CBFA2T3: variants seen among roughly 807,000 people sequenced by gnomAD.
The protein encoded by CBFA2T3 is transcriptional corepressor CBFA2T3.
Under a neutral mutation model 58.6 loss-of-function variants are expected in CBFA2T3, and 31 were observed. The ratio of observed to expected loss-of-function variants is 0.53; its 90% CI spans 0.40 to 0.71. The LOEUF (loss-of-function observed/expected upper bound fraction) is 0.71. CBFA2T3 is among the 30% of genes least tolerant of loss of function. The pLI is 0.00. For synonymous variants in CBFA2T3, 531 were observed against 421.9 expected, an observed-to-expected ratio of 1.26 and a Z score of -3.17; for missense variants, 1,076 against 963.1, an observed-to-expected ratio of 1.12 and a Z score of -1.55.
rs761307496 is a variant in CBFA2T3 at position 88,901,575 on chromosome 16, G to T, written c.233C>A (p.Pro78His). ...EVKTQPRSTP[P>H]SMPPPPPAAS... is the part of the protein sequence containing the mutation. ...GGCAGGCGGTGGGGGCGGCATGCTG[G>T]GGGGTGTGGACCGGGGCTGCGTCTT... Residue 78 changes from proline to histidine, a missense_variant, in exon 2 of 12, where the codon CCC becomes CAC. Physicochemically the swap from Pro to His is moderately conservative, Grantham distance 77 (BLOSUM62 -2). Coordinates refer to ENST00000268679, the MANE Select transcript of CBFA2T3 (RefSeq NM_005187.6). The T allele has an allele frequency of 2.0e-6, 3 of 1,501,158 alleles. No individual in the cohort carries two copies. Among genetic ancestry groups the T allele is most frequent in the Admixed American group, 2.7e-5 (1 of 36,776 alleles). The allele number at this position is 1,501,158 out of a possible 1,614,324, so 93.0% of individuals were successfully genotyped here. A position where few individuals can be genotyped will look rare whatever the true frequency, so the allele number is the denominator to read the frequency against.
Position 88,885,988 on chromosome 16 carries a change from T to C in CBFA2T3, c.866A>G (p.Glu289Gly). The C allele has an allele frequency of 6.4e-7, 1 of 1,553,078 alleles. No homozygotes were observed. The highest frequency in any genetic ancestry group is 2.4e-5 in the East Asian group (1 of 41,732). Residue 289 changes from glutamate (E) to glycine (G), a missense_variant, in exon 6 of 12, where the codon GAG becomes GGG. By Grantham distance (98) the Glu-to-Gly change is moderately conservative (BLOSUM62 -2). Coordinates refer to ENST00000268679, the MANE Select transcript of CBFA2T3 (RefSeq NM_005187.6). The surrounding 1 kb of genome is among the most constrained non-coding windows in gnomAD (Gnocchi z 5.3). The part of the protein sequence containing the change: ...DSSELLLEVN[E>G]NGKRRTPDRT... ...GTCGGGCGTCCTCCTCTTGCCGTTC[T>C]CGTTGACTTCCAGTAGCAGCTCTGA...
At chr16:88,931,354 C>T (rs988210944) in intron 1 of CBFA2T3, among the ~76,000 whole-genome samples, 5 of 152,112 alleles carry the variant, frequency 3.3e-5, no homozygotes, top group South Asian at 2.1e-4. Context: ...GGGAGCTGAG[C>T]GACCTTCTTG....
intron 1 of CBFA2T3, among the ~76,000 whole-genome samples, chr16:88,960,182 C>T (rs577407388): frequency 1.3e-5 from 2 of 152,246 alleles, no homozygotes; most frequent in South Asian, 2.1e-4. Flanking sequence ...GGACAGCCCA[C>T]GAGATGTGAG....
chr16:88,972,228 G>T (rs1027504120), intron 1 of CBFA2T3, among the ~76,000 whole-genome samples: 1 of 148,374 alleles, frequency 6.7e-6, no homozygotes, highest in Non-Finnish European at 1.5e-5. Context: ...GGGAGGGAGG[G>T]AGGTGCACTT....
At chr16:88,898,943 C>T (rs975094361) in intron 2 of CBFA2T3, among the ~76,000 whole-genome samples, 7 of 152,180 alleles carry the variant, frequency 4.6e-5, no homozygotes, top group African/African-American at 1.4e-4. Context: ...CTAGTAAAGA[C>T]GGGTAGTGAG....
intron 1 of CBFA2T3, among the ~76,000 whole-genome samples, chr16:88,923,764 C>A (rs1250984790): frequency 6.6e-6 from 1 of 152,196 alleles, no homozygotes; most frequent in Non-Finnish European, 1.5e-5. Flanking sequence ...GGGCTCTGGG[C>A]TCCTGGGCTG....
chr16:88,965,709 C>G (rs1417705855), intron 1 of CBFA2T3, among the ~76,000 whole-genome samples: 2 of 152,212 alleles, frequency 1.3e-5, no homozygotes, highest in Non-Finnish European at 2.9e-5. Flanking sequence ...GTTTGAAAAC[C>G]TCTCTAGTGG....
Position 88,956,068 on chromosome 16 carries a change from C to G in CBFA2T3, c.151+20589G>C, listed in dbSNP as rs550280753. Among the ~76,000 whole-genome samples, 156 of 152,394 alleles carry G rather than the reference C, an allele frequency of 1.0e-3. 1 individual carries two copies. Among genetic ancestry groups the G allele is most frequent in the African/African-American group, 3.4e-3 (142 of 41,590 alleles). On this transcript the variant is annotated intron_variant, in intron 1 of 11. Transcript: ENST00000268679. ...CCCGACCCTGCCCAGGGCTGCCAAC[C>G]CCCAGGCCTGCCGAGTTCCTGCTCC...
At chr16:88,877,840 A>C (rs1351519554) in intron 11 of CBFA2T3, among the ~76,000 whole-genome samples, 7 of 152,218 alleles carry the variant, frequency 4.6e-5, no homozygotes, top group Non-Finnish European at 1.0e-4. Flanking sequence ...AGGAGATGCC[A>C]CACAAAGCCT....
intron 1 of CBFA2T3, among the ~76,000 whole-genome samples, chr16:88,922,081 TGTC>T (rs1970940344): frequency 1.3e-5 from 2 of 152,196 alleles, no homozygotes; most frequent in Non-Finnish European, 1.5e-5. Context: ...CCACCAAACG[TGTC>T]GTGGCCAGGA....
At chr16:88,929,061 A>T (rs1419551450) in intron 1 of CBFA2T3, among the ~76,000 whole-genome samples, 2 of 151,850 alleles carry the variant, frequency 1.3e-5, no homozygotes, top group Non-Finnish European at 2.9e-5. Context: ...AATGGGTTCC[A>T]TCTGGCTGCC....
chr16:88,892,587 A>G (rs1969687630), intron 3 of CBFA2T3, 102 bp from the exon 4 acceptor site: 1 of 1,316,730 alleles, frequency 7.6e-7, no homozygotes, highest in Non-Finnish European at 1.1e-6. Context: ...GACAATGTCA[A>G]AAGTGACGGC....
intron 3 of CBFA2T3, among the ~76,000 whole-genome samples, chr16:88,895,168 C>A (rs1459578016): frequency 6.6e-6 from 1 of 152,210 alleles, no homozygotes; most frequent in African/African-American, 2.4e-5. Context: ...CTCCTGCAGG[C>A]CTGGACTGGA....
At chr16:88,902,667 G>A (rs987358635) in intron 1 of CBFA2T3, among the ~76,000 whole-genome samples, 1 of 152,194 alleles carries the variant, frequency 6.6e-6, no homozygotes, top group Non-Finnish European at 1.5e-5. Context: ...CAGGGGGTGC[G>A]GGTGTAAGCC....
chr16:88,885,861 C>A lies in CBFA2T3; in HGVS notation c.893+100G>T. ...AGCCCGAGAGAGCCGGCCGGGCTGG[C>A]TGCAGCCCCAGAGGAGGTTCCCTCT... On this transcript the variant is annotated intron_variant, in intron 6 of 11. Coordinates refer to ENST00000268679, the MANE Select transcript of CBFA2T3 (RefSeq NM_005187.6). The surrounding 1 kb of genome is among the most constrained non-coding windows in gnomAD (Gnocchi z 5.3). 9.2e-7 allele frequency: 1 copy of A among 1,085,704 alleles called. No homozygotes were observed. Among genetic ancestry groups the A allele is most frequent in the Non-Finnish European group, 1.3e-6 (1 of 759,234 alleles). 67.3% of individuals were successfully genotyped at this position (1,085,704 alleles called of 1,614,324 possible).
chr16:88,881,071 A>T, intron 9 of CBFA2T3: 1 of 709,382 alleles, frequency 1.4e-6, no homozygotes. Context: ...AGAGACCCTC[A>T]GGGCCTCCCA....
intron 1 of CBFA2T3, among the ~76,000 whole-genome samples, chr16:88,942,030 G>C (rs1178032183): frequency 6.6e-6 from 1 of 151,990 alleles, no homozygotes; most frequent in African/African-American, 2.4e-5. Flanking sequence ...GGGCGGGTCC[G>C]ATGCGAAGCC....
At chr16:88,961,966 TGCATAGTAACCGACACTCAGCACTGGGCA>T in intron 1 of CBFA2T3, among the ~76,000 whole-genome samples, 1 of 148,770 alleles carries the variant, frequency 6.7e-6, no homozygotes, top group African/African-American at 2.5e-5. Flanking sequence ...GCATTCCCAC[TGCATAGTAACCGACACTCAGCACTGGGCA>T]TTCCCATTCC....
chr16:88,966,353 C>T lies in CBFA2T3; in HGVS notation c.151+10304G>A, dbSNP rs565699065. ...CTGTGCCGGGGTAGGGGGGTGGCAG[C>T]CCCTGTGAGTGCCCACAGAGGAGAG... On this transcript the variant is annotated intron_variant, in intron 1 of 11. Transcript: ENST00000268679. Among the ~76,000 whole-genome samples, 7 of 152,266 alleles carry T rather than the reference C, an allele frequency of 4.6e-5. No individual in the cohort carries two copies. In the South Asian group the frequency reaches 1.0e-3, roughly 23 times the overall value.
Sources: gnomAD v4.1 joint callset for allele counts (sites outside exome capture counted in the v4.1 genomes callset) on GRCh38, gnomAD v4.1.1 for gene constraint, Gnocchi (gnomAD v3.1) non-coding constraint, MANE v1.5 for transcripts, NCBI Gene and HGNC (gene_info 2026-07-23, HGNC 2026-07-21) for gene names.